Variants in PRDM5 observed in about 807,000 individuals in gnomAD.
PRDM5 encodes PR/SET domain 5, also known as PR domain zinc finger protein 5.
PRDM5 carries 56 observed loss-of-function variants against 81.2 expected under a neutral mutation model. The observed-to-expected ratio is 0.69, with a 90% CI of 0.56 to 0.86. The LOEUF (loss-of-function observed/expected upper bound fraction) is 0.86. PRDM5 is among the 40% of genes least tolerant of loss of function. The pLI, the probability that PRDM5 is intolerant of heterozygous loss-of-function variation, is 0.00. For synonymous variants in PRDM5, 267 were observed against 256.4 expected (o/e 1.04, Z -0.39); for missense variants, 697 against 770.1 (o/e 0.91, Z 1.12).
At chr4:120,754,439 G>A (rs1744429674) in intron 14 of PRDM5, 114 bp downstream of exon 14, 8 of 651,568 alleles carry the variant, frequency 1.2e-5, no homozygotes, top group Non-Finnish European at 2.1e-5. Context: ...CATAAATATA[G>A]ATATACAACT....
intron 2 of PRDM5, among the ~76,000 whole-genome samples, chr4:120,872,165 A>AAC (rs1167433597): frequency 6.7e-6 from 1 of 148,592 alleles, no homozygotes; most frequent in East Asian, 1.9e-4. Flanking sequence ...AAAAAAAAAA[A>AAC]AAAAAAAAAC....
At chr4:120,852,006 T>C (rs1040884343) in intron 3 of PRDM5, among the ~76,000 whole-genome samples, 3 of 152,190 alleles carry the variant, frequency 2.0e-5, no homozygotes, top group African/African-American at 7.2e-5. Context: ...TCACATGTAA[T>C]CAGTCAATTA....
chr4:120,859,098 A>G (rs1054060496), intron 2 of PRDM5, among the ~76,000 whole-genome samples: 3 of 152,214 alleles, frequency 2.0e-5, no homozygotes, highest in Non-Finnish European at 4.4e-5. Context: ...GTATTTTGCA[A>G]TCATAAGGTA....
At chr4:120,873,113 T>C (rs1221922269) in intron 2 of PRDM5, among the ~76,000 whole-genome samples, 1 of 152,164 alleles carries the variant, frequency 6.6e-6, no homozygotes, top group East Asian at 1.9e-4. Context: ...GCAATTCTCA[T>C]GACTTAGCCT....
intron 13 of PRDM5, among the ~76,000 whole-genome samples, chr4:120,765,882 T>G (rs1746305442): frequency 6.6e-6 from 1 of 152,014 alleles, no homozygotes; most frequent in Non-Finnish European, 1.5e-5. Context: ...GCTTACATTG[T>G]GCAGGCACTG....
At chr4:120,833,349 C>T (rs751120022) in intron 3 of PRDM5, among the ~76,000 whole-genome samples, 3 of 152,064 alleles carry the variant, frequency 2.0e-5, no homozygotes, top group South Asian at 4.1e-4. Context: ...GTAGCCTTCT[C>T]GGTTATCAGA....
intron 8 of PRDM5, among the ~76,000 whole-genome samples, chr4:120,807,384 T>G (rs1023435748): frequency 6.6e-6 from 1 of 152,254 alleles, no homozygotes; most frequent in African/African-American, 2.4e-5. Flanking sequence ...GGAATATAAA[T>G]CATGCTGCTA....
chr4:120,760,323 A>G (rs1175910493), intron 13 of PRDM5, among the ~76,000 whole-genome samples: 1 of 152,192 alleles, frequency 6.6e-6, no homozygotes, highest in Admixed American at 6.5e-5. Flanking sequence ...TATGTCTTAA[A>G]GCAGTTCCCA....
intron 14 of PRDM5, among the ~76,000 whole-genome samples, chr4:120,729,986 G>A (rs1740017213): frequency 6.6e-6 from 1 of 152,162 alleles, no homozygotes; most frequent in Non-Finnish European, 1.5e-5. Flanking sequence ...GAACTCAATG[G>A]GAAATTGATA....
intron 2 of PRDM5, among the ~76,000 whole-genome samples, chr4:120,904,139 G>A (rs1765498162): frequency 7.6e-6 from 1 of 131,072 alleles, no homozygotes. Flanking sequence ...GCAGTGAGCT[G>A]AGATCGTGCC....
At chr4:120,828,526 T>C (rs1358739066) in intron 3 of PRDM5, among the ~76,000 whole-genome samples, 1 of 152,114 alleles carries the variant, frequency 6.6e-6, no homozygotes. Context: ...AGTTATCAAA[T>C]TATGCAACTA....
At chr4:120,891,892 A>G (rs1201263131) in intron 2 of PRDM5, among the ~76,000 whole-genome samples, 1 of 152,174 alleles carries the variant, frequency 6.6e-6, no homozygotes, top group Non-Finnish European at 1.5e-5. Flanking sequence ...GGTCTCCCAA[A>G]GTACTGGGAT....
intron 5 of PRDM5, 87 bp downstream of exon 5, chr4:120,818,266 A>G: frequency 7.0e-7 from 1 of 1,438,304 alleles, no homozygotes; most frequent in South Asian, 1.2e-5. Context: ...GCACACACAC[A>G]CACACAGGTT....
intron 3 of PRDM5, among the ~76,000 whole-genome samples, chr4:120,841,671 T>C (rs1239339437): frequency 6.6e-6 from 1 of 152,196 alleles, no homozygotes; most frequent in Non-Finnish European, 1.5e-5. Context: ...ATGTGCTTAT[T>C]CTGGGTGTCT....
intron 4 of PRDM5, among the ~76,000 whole-genome samples, chr4:120,819,461 G>T (rs1754977252): frequency 6.6e-6 from 1 of 150,698 alleles, no homozygotes; most frequent in African/African-American, 2.4e-5. Context: ...CATGGCACAT[G>T]TATACATATG....
At chr4:120,782,783 T>C (rs1265180873) in intron 11 of PRDM5, among the ~76,000 whole-genome samples, 2 of 152,134 alleles carry the variant, frequency 1.3e-5, no homozygotes, top group Non-Finnish European at 2.9e-5. Context: ...TTAATGTTAA[T>C]ATCAAATCGA....
At chr4:120,829,461 G>C (rs1178474650) in intron 3 of PRDM5, among the ~76,000 whole-genome samples, 3 of 152,012 alleles carry the variant, frequency 2.0e-5, no homozygotes, top group Non-Finnish European at 2.9e-5. Flanking sequence ...TGCCTCACTA[G>C]GATAAATCTA....
chr4:120,721,009 T>A (rs1738517544), intron 14 of PRDM5, among the ~76,000 whole-genome samples: 1 of 152,212 alleles, frequency 6.6e-6, no homozygotes, highest in Admixed American at 6.5e-5. Context: ...AGGCACCTGG[T>A]CCCTTTTAAT....
At chr4:120,849,793 C>T (rs1053853301) in intron 3 of PRDM5, among the ~76,000 whole-genome samples, 1 of 151,960 alleles carries the variant, frequency 6.6e-6, no homozygotes. Flanking sequence ...TCCTTTAGTG[C>T]AACAAAATTA....
Sources: gnomAD v4.1 joint callset for allele counts (sites outside exome capture counted in the v4.1 genomes callset) on GRCh38, gnomAD v4.1.1 for gene constraint, MANE v1.5 for transcripts, NCBI Gene and HGNC (gene_info 2026-07-23, HGNC 2026-07-21) for gene names.